TRIM2: variants seen among roughly 807,000 people sequenced by gnomAD.
TRIM2 encodes the protein tripartite motif containing 2, also known as tripartite motif-containing protein 2.
In TRIM2, 20 loss-of-function variants were observed where a neutral mutation model predicts 75.2. The ratio of observed to expected loss-of-function variants is 0.27; its 90% CI spans 0.19 to 0.39. TRIM2 has a LOEUF of 0.39. TRIM2 is among the 10% of genes least tolerant of loss of function. TRIM2 has a pLI of 1.00. For missense variants in TRIM2, 660 were observed against 990.8 expected, an observed-to-expected ratio of 0.67 and a Z score of 4.48; for synonymous variants, 373 against 388.3, an observed-to-expected ratio of 0.96 and a Z score of 0.46.
At chr4:153,325,595 T>A (rs1168347539) in intron 10 of TRIM2, among the ~76,000 whole-genome samples, 2 of 152,114 alleles carry the variant, frequency 1.3e-5, no homozygotes, top group East Asian at 3.8e-4. Context: ...ATAACACAGG[T>A]TGTTCTCATA....
At chr4:153,297,404 T>G (rs1018585837) in intron 6 of TRIM2, among the ~76,000 whole-genome samples, 1 of 152,188 alleles carries the variant, frequency 6.6e-6, no homozygotes, top group Non-Finnish European at 1.5e-5. Flanking sequence ...TCAGCTTCCC[T>G]GTACTTCAAC....
upstream of TRIM2, among the ~76,000 whole-genome samples, chr4:153,200,968 GT>G (rs1222792325): frequency 2.7e-5 from 4 of 150,720 alleles, no homozygotes; most frequent in Non-Finnish European, 4.4e-5. Flanking sequence ...GGTTTTTTGG[GT>G]TTTTTTTCTT....
chr4:153,319,753 T>C (rs991206713), intron 8 of TRIM2, among the ~76,000 whole-genome samples: 4 of 151,806 alleles, frequency 2.6e-5, no homozygotes, highest in Non-Finnish European at 4.4e-5. Flanking sequence ...TATATATATA[T>C]TTTTTGTTGT....
intron 1 of TRIM2, among the ~76,000 whole-genome samples, chr4:153,250,998 G>A (rs1750731443): frequency 6.6e-6 from 1 of 152,218 alleles, no homozygotes; most frequent in African/African-American, 2.4e-5. Context: ...CTGAAGGCCA[G>A]GCCACTTCTG....
rs1772312115 is a variant in TRIM2, at chr4:153,335,180, T to C, written c.*214T>C. 4.0e-6 allele frequency: 5 copies of C among 1,244,200 alleles called. No homozygotes were observed. The highest frequency in any genetic ancestry group is 5.0e-6 in the Non-Finnish European group (5 of 991,730). 77.1% of individuals were successfully genotyped at this position (1,244,200 alleles called of 1,614,324 possible). On this transcript the variant is annotated 3_prime_UTR_variant, in exon 12 of 12. Transcript: ENST00000338700. ...GGTTAAAAAAAACTCTTCTACTGAATCTATAAAAACTGCAGTTTTACATCT... is the reference window on the plus strand; with the variant it reads ...GGTTAAAAAAAACTCTTCTACTGAACCTATAAAAACTGCAGTTTTACATCT...
chr4:153,280,042 C>T (rs1758908206), intron 3 of TRIM2, among the ~76,000 whole-genome samples: 1 of 151,754 alleles, frequency 6.6e-6, no homozygotes, highest in Non-Finnish European at 1.5e-5. Flanking sequence ...CCAAAGTACT[C>T]CTGCTTGGGT....
intron 1 of TRIM2, among the ~76,000 whole-genome samples, chr4:153,174,976 C>T (rs1434730865): frequency 6.7e-6 from 1 of 149,650 alleles, no homozygotes; most frequent in Non-Finnish European, 1.5e-5. Flanking sequence ...TCAACTGGTG[C>T]AGTTTTTGTT....
intron 6 of TRIM2, among the ~76,000 whole-genome samples, chr4:153,300,970 C>A (rs1763779032): frequency 6.6e-6 from 1 of 151,680 alleles, no homozygotes; most frequent in Admixed American, 6.6e-5. Flanking sequence ...GTGGGCGGAT[C>A]ACCTGAGGGC....
intron 1 of TRIM2, among the ~76,000 whole-genome samples, chr4:153,221,776 A>C (rs1740112857): frequency 7.8e-6 from 1 of 127,422 alleles, no homozygotes; most frequent in South Asian, 3.0e-4. Context: ...GGAAGGAAGG[A>C]AAGAAGAAAA....
intron 11 of TRIM2, among the ~76,000 whole-genome samples, chr4:153,328,964 C>T (rs551491578): frequency 2.6e-5 from 4 of 152,170 alleles, no homozygotes; most frequent in Admixed American, 1.3e-4. Flanking sequence ...ATTTATGAAC[C>T]TCTGGCTGAA....
intron 1 of TRIM2, among the ~76,000 whole-genome samples, chr4:153,247,128 A>G (rs1316408736): frequency 6.6e-6 from 1 of 152,200 alleles, no homozygotes; most frequent in Non-Finnish European, 1.5e-5. Flanking sequence ...GATGCTGGCC[A>G]CTGAGGACTC....
chr4:153,229,195 C>T (rs1432208797), intron 1 of TRIM2, among the ~76,000 whole-genome samples: 2 of 152,224 alleles, frequency 1.3e-5, no homozygotes, highest in East Asian at 3.8e-4. Context: ...CCTCTATAAG[C>T]ATTTTTCTTG....
chr4:153,339,175 C>T lies in TRIM2; in HGVS notation c.*4209C>T, dbSNP rs73854661. 7.6e-3 allele frequency: 7,490 copies of T among 985,742 alleles called. 406 individuals are homozygous for T. The African/African-American group carries it at 0.12, about 16-fold the overall frequency. The allele number at this position is 985,742 out of a possible 1,614,324, so 61.1% of individuals were successfully genotyped here. On this transcript the variant is annotated 3_prime_UTR_variant, in exon 12 of 12. Transcript: ENST00000338700. ...GTGTTTGTATGTTCGTAGCTACATA[C>T]GTACCACAGTATTTTGGATGCTTTA...
intron 6 of TRIM2, among the ~76,000 whole-genome samples, chr4:153,302,850 G>C (rs1037837397): frequency 3.3e-5 from 5 of 152,106 alleles, no homozygotes; most frequent in African/African-American, 1.2e-4. Flanking sequence ...ATTCCTTAAG[G>C]TCAAGGATGG....
chr4:153,195,333 C>G (rs547049511), intron 1 of TRIM2, among the ~76,000 whole-genome samples: 32 of 152,080 alleles, frequency 2.1e-4, no homozygotes, highest in African/African-American at 6.8e-4. Context: ...GGAAAACTGG[C>G]AAAACCCCAT....
chr4:153,249,622 C>T (rs1395580921), intron 1 of TRIM2, among the ~76,000 whole-genome samples: 2 of 151,818 alleles, frequency 1.3e-5, no homozygotes, highest in African/African-American at 4.9e-5. Context: ...CACCTCCCTG[C>T]TCCCGCCCCG....
At chr4:153,234,439 C>T (rs1315535709) in intron 1 of TRIM2, among the ~76,000 whole-genome samples, 1 of 152,184 alleles carries the variant, frequency 6.6e-6, no homozygotes, top group Non-Finnish European at 1.5e-5. Context: ...CAGAGGGCAT[C>T]GGGCTAAATG....
chr4:153,262,806 A>G (rs949015798), intron 1 of TRIM2, among the ~76,000 whole-genome samples: 2 of 152,228 alleles, frequency 1.3e-5, no homozygotes, highest in African/African-American at 4.8e-5. Flanking sequence ...GCCTACATCT[A>G]GGAATAAACA....
At chr4:153,169,595 T>G (rs114307089) in intron 1 of TRIM2, among the ~76,000 whole-genome samples, 1,618 of 152,306 alleles carry the variant, frequency 0.011, 27 homozygotes, top group African/African-American at 0.037. Flanking sequence ...ACTGTATGTG[T>G]GTGTATATTG....
Sources: allele counts gnomAD v4.1 joint callset (sites outside exome capture counted in the v4.1 genomes callset), GRCh38; gene constraint gnomAD v4.1.1; transcripts MANE v1.5; gene names NCBI Gene and HGNC (gene_info 2026-07-23, HGNC 2026-07-21).